The following ARID1B variants were observed in gnomAD, a reference collection of about 807,000 sequenced individuals.
ARID1B encodes the protein AT-rich interactive domain-containing protein 1B.
A neutral mutation model predicts 212.3 loss-of-function variants in ARID1B; 30 were observed. That is an observed-to-expected ratio of 0.14 (90% CI 0.11 to 0.19). The LOEUF (loss-of-function observed/expected upper bound fraction) is 0.19, where lower values mean the gene tolerates loss of function less well. Among genes scored for constraint, ARID1B ranks in the 10% least tolerant of loss-of-function variants. The probability of loss-of-function intolerance (pLI) is 1.00; values close to 1 mark genes in which losing one functional copy is unlikely to be tolerated. For missense variants in ARID1B, 2,891 were observed against 3,204.0 expected, an observed-to-expected ratio of 0.90 and a Z score of 2.36; for synonymous variants, 1,402 against 1,301.7, an observed-to-expected ratio of 1.08 and a Z score of -1.66.
intron 4 of ARID1B, among the ~76,000 whole-genome samples, chr6:157,002,944 T>C (rs1173123743): frequency 2.0e-5 from 3 of 152,208 alleles, no homozygotes; most frequent in Non-Finnish European, 4.4e-5. Flanking sequence ...AAGAGGACTG[T>C]AGGCAGAGGA....
chr6:157,175,531 C>G (rs1792043957), intron 11 of ARID1B: 1 of 152,076 alleles, frequency 6.6e-6, no homozygotes, highest in African/African-American at 2.4e-5. Context: ...ACCCATTTGT[C>G]TGAAATTAAT....
At chr6:156,873,355 T>A (rs1197953250) in intron 2 of ARID1B, among the ~76,000 whole-genome samples, 1 of 152,254 alleles carries the variant, frequency 6.6e-6, no homozygotes, top group African/African-American at 2.4e-5. Context: ...ATTCTGACAT[T>A]TCATAAGTTC....
intron 3 of ARID1B, among the ~76,000 whole-genome samples, chr6:156,930,490 A>G (rs926226182): frequency 6.6e-6 from 1 of 152,184 alleles, no homozygotes; most frequent in African/African-American, 2.4e-5. Context: ...AGTCTTAGGT[A>G]TTTCTTTATA....
intron 3 of ARID1B, among the ~76,000 whole-genome samples, chr6:156,914,291 A>G (rs558464097): frequency 3.7e-4 from 56 of 152,312 alleles, no homozygotes; most frequent in African/African-American, 1.3e-3. Flanking sequence ...ATGCGGTATG[A>G]AACAGCTCTT....
At chr6:157,085,965 GT>G (rs955539017) in intron 5 of ARID1B, among the ~76,000 whole-genome samples, 2 of 151,576 alleles carry the variant, frequency 1.3e-5, no homozygotes, top group Non-Finnish European at 2.9e-5. Flanking sequence ...TGGTTTTTGG[GT>G]TTTTTTCTAA....
intron 8 of ARID1B, among the ~76,000 whole-genome samples, chr6:157,160,988 T>C (rs558505921): frequency 6.6e-6 from 1 of 152,318 alleles, no homozygotes; most frequent in Admixed American, 6.5e-5. Flanking sequence ...TGTTTGACTT[T>C]GGTTGTGTTT....
intron 4 of ARID1B, chr6:157,024,184 T>G (rs1383967456): frequency 6.6e-6 from 1 of 152,270 alleles, no homozygotes. Flanking sequence ...ATGGCCTTCC[T>G]GCCACAAAAA....
Position 157,167,056 on chromosome 6 carries a change from G to A in ARID1B, c.3106G>A (p.Gly1036Ser), listed in dbSNP as rs34786733. 1,600 of 1,611,808 alleles carry A rather than the reference G, an allele frequency of 9.9e-4. 8 individuals are homozygous for A. The African/African-American group carries it at 0.018, about 19-fold the overall frequency. The change falls in exon 9 of 20, where the codon GGC (glycine) becomes AGC (serine). Residue 1036 changes from glycine (G) to serine (S), a missense_variant. Gly to Ser is a moderately conservative substitution (Grantham distance 56). This residue lies in a region of ARID1B where 1,643 missense variants were observed against 1,544.0 expected (regional missense o/e 1.06). Coordinates refer to ENST00000636930, the MANE Select transcript of ARID1B (RefSeq NM_001374828.1). The stretch of plus-strand genomic sequence containing the variant: ...TTCCTGTAGGCAAGGCAGTTTCCCC[G>A]GCATGAACCAGAGTGGACTTATGGC... ...SAQSRQGSFP[G>S]MNQSGLMASS...
chr6:157,039,796 CTT>C (rs1781706899), intron 4 of ARID1B, among the ~76,000 whole-genome samples: 1 of 134,496 alleles, frequency 7.4e-6, no homozygotes, highest in Admixed American at 7.5e-5. Flanking sequence ...TTCCTTCCTT[CTT>C]TCTTTCTCTT....
intron 8 of ARID1B, among the ~76,000 whole-genome samples, chr6:157,162,154 A>G (rs1299729004): frequency 6.6e-6 from 1 of 152,244 alleles, no homozygotes; most frequent in Non-Finnish European, 1.5e-5. Context: ...GAGAAAATAC[A>G]GTGTTGATTG....
At chr6:156,970,116 G>T (rs1776818460) in intron 4 of ARID1B, among the ~76,000 whole-genome samples, 1 of 151,926 alleles carries the variant, frequency 6.6e-6, no homozygotes, top group Non-Finnish European at 1.5e-5. Context: ...GTCTCACTCT[G>T]TTGCCCAGGC....
intron 1 of ARID1B, among the ~76,000 whole-genome samples, chr6:156,817,094 A>G (rs1376537111): frequency 6.7e-6 from 1 of 149,892 alleles, no homozygotes; most frequent in Non-Finnish European, 1.5e-5. Flanking sequence ...AAAAAAAAAG[A>G]AAAAAAAAGG....
intron 2 of ARID1B, among the ~76,000 whole-genome samples, chr6:156,899,929 A>G (rs1396299646): frequency 6.6e-6 from 1 of 152,252 alleles, no homozygotes; most frequent in African/African-American, 2.4e-5. Flanking sequence ...TGTGAAATAT[A>G]GTATTAGATA....
chr6:156,926,941 A>G (rs1791268252), intron 3 of ARID1B, among the ~76,000 whole-genome samples: 1 of 152,160 alleles, frequency 6.6e-6, no homozygotes, highest in Admixed American at 6.5e-5. Context: ...TGGCCTCTCA[A>G]AGCACTGAGA....
chr6:157,039,620 T>A (rs72501758), intron 4 of ARID1B, among the ~76,000 whole-genome samples: 22,912 of 130,388 alleles, frequency 0.18, 1,977 homozygotes, highest in Admixed American at 0.21. Flanking sequence ...CTACCTACCT[T>A]CCTTCCTTCC....
At chr6:156,874,953 A>G (rs1786425283) in intron 2 of ARID1B, among the ~76,000 whole-genome samples, 1 of 152,224 alleles carries the variant, frequency 6.6e-6, no homozygotes. Flanking sequence ...TCTGGATTTT[A>G]TCGCTGTGGC....
intron 7 of ARID1B, among the ~76,000 whole-genome samples, chr6:157,145,681 A>G (rs1789676420): frequency 6.6e-6 from 1 of 152,144 alleles, no homozygotes; most frequent in African/African-American, 2.4e-5. Context: ...CTTTTTCTTA[A>G]ATATTTGAGA....
intron 1 of ARID1B, among the ~76,000 whole-genome samples, chr6:156,785,562 C>G (rs965437205): frequency 6.6e-5 from 10 of 151,806 alleles, no homozygotes; most frequent in African/African-American, 2.4e-4. Flanking sequence ...ACGTACATAA[C>G]ATACAACTTA....
chr6:156,997,228 G>A (rs940667819), intron 4 of ARID1B, among the ~76,000 whole-genome samples: 2 of 152,124 alleles, frequency 1.3e-5, no homozygotes, highest in African/African-American at 4.8e-5. Context: ...GTTCCTCTTT[G>A]ACAGAATTTA....
Sources: allele counts gnomAD v4.1 joint callset (sites outside exome capture counted in the v4.1 genomes callset), GRCh38; gene constraint gnomAD v4.1.1; regional missense constraint gnomAD v4.1.1; transcripts MANE v1.5; gene names NCBI Gene and HGNC (gene_info 2026-07-23, HGNC 2026-07-21).